The following SLC2A13 variants were observed in gnomAD, a reference collection of about 807,000 sequenced individuals.
The protein encoded by SLC2A13 is proton myo-inositol cotransporter.
In SLC2A13, 32 loss-of-function variants were observed where a neutral mutation model predicts 64.4. That is an observed-to-expected ratio of 0.50 (90% confidence interval 0.37 to 0.67). The LOEUF (loss-of-function observed/expected upper bound fraction) is 0.67, where lower values mean the gene tolerates loss of function less well. Ranked by LOEUF, SLC2A13 falls within the 30% of genes least tolerant of loss-of-function variation. SLC2A13 has a pLI of 0.00. For missense variants in SLC2A13, 743 were observed against 829.2 expected (o/e 0.90, Z 1.28); for synonymous variants, 338 against 327.1 (o/e 1.03, Z -0.36).
chr12:40,032,029 A>G (rs1417726804), intron 2 of SLC2A13, among the ~76,000 whole-genome samples: 1 of 152,092 alleles, frequency 6.6e-6, no homozygotes, highest in Admixed American at 6.5e-5. Flanking sequence ...GGGTTTCTAA[A>G]CCTGGCTTCA....
At chr12:39,896,262 G>A (rs201027445) in intron 4 of SLC2A13, among the ~76,000 whole-genome samples, 14 of 71,466 alleles carry the variant, frequency 2.0e-4, no homozygotes, top group Admixed American at 1.9e-3. Flanking sequence ...GTATGTATAT[G>A]TGTGTATATA....
intron 7 of SLC2A13, among the ~76,000 whole-genome samples, chr12:39,809,753 G>A (rs1486889744): frequency 5.3e-5 from 8 of 152,162 alleles, no homozygotes; most frequent in South Asian, 2.1e-4. Context: ...GAGAACATGC[G>A]GTGTTTGGTT....
chr12:39,864,706 C>T lies in SLC2A13; in HGVS notation c.1319+56G>A, dbSNP rs1028236068. The T allele has an allele frequency of 1.9e-6, 3 of 1,591,048 alleles. No individual in the cohort carries two copies. In the African/African-American group the frequency reaches 4.1e-5, roughly 22 times the overall value. On this transcript the variant is annotated intron_variant, in intron 6 of 9. Transcript: ENST00000280871. ...TCTACAACTTTAAAAAAGTTAAAAG[C>T]AAGCAAAAAAGTTACCAGAGTCATG...
intron 3 of SLC2A13, among the ~76,000 whole-genome samples, chr12:39,979,835 A>T (rs1245129186): frequency 8.2e-6 from 1 of 121,812 alleles, no homozygotes; most frequent in East Asian, 2.4e-4. Context: ...CCACAAAGAT[A>T]CTCCTCGAGA....
In SLC2A13 at chr12:39,895,541, T is replaced by G. The variant is rs1216233141; in HGVS notation, c.1035-23580A>C. On this transcript the variant is annotated intron_variant, in intron 4 of 9. Transcript: ENST00000280871. ...ATATATATATATATATATATATATA[T>G]ATATATATATACACACACACACACA... 2.1e-5 allele frequency among the ~76,000 whole-genome samples: 2 copies of G among 93,504 alleles called. 1 individual carries two copies. The highest frequency in any genetic ancestry group is 4.3e-5 in the Non-Finnish European group (2 of 46,314). The allele number at this position is 93,504 out of a possible 152,430, so 61.3% of individuals were successfully genotyped here. A position where few individuals can be genotyped will look rare whatever the true frequency, so the allele number is the denominator to read the frequency against.
intron 3 of SLC2A13, among the ~76,000 whole-genome samples, chr12:40,012,553 G>A (rs1947548368): frequency 1.3e-5 from 2 of 152,142 alleles, no homozygotes; most frequent in Non-Finnish European, 1.5e-5. Flanking sequence ...TTTTTCTATC[G>A]CATGGATGTG....
intron 7 of SLC2A13, among the ~76,000 whole-genome samples, chr12:39,820,395 T>TGAATCACA: frequency 6.6e-6 from 1 of 152,204 alleles, no homozygotes; most frequent in East Asian, 1.9e-4. Flanking sequence ...GTGATTGGCA[T>TGAATCACA]TGGTTCATGA....
chr12:39,824,435 C>T (rs533073567), intron 7 of SLC2A13, among the ~76,000 whole-genome samples: 9 of 152,202 alleles, frequency 5.9e-5, no homozygotes, highest in Non-Finnish European at 1.2e-4. Context: ...AAGAGGGTCT[C>T]CATCTGGAGA....
intron 3 of SLC2A13, among the ~76,000 whole-genome samples, chr12:39,955,502 C>A (rs900059647): frequency 2.0e-5 from 3 of 151,966 alleles, no homozygotes; most frequent in African/African-American, 7.2e-5. Flanking sequence ...GAGAAAAATC[C>A]ATAAAACCAA....
chr12:39,971,429 G>A (rs917158583), intron 3 of SLC2A13, among the ~76,000 whole-genome samples: 2 of 152,242 alleles, frequency 1.3e-5, no homozygotes, highest in South Asian at 2.1e-4. Flanking sequence ...CATTAGAAAA[G>A]AATTTGAAAT....
chr12:39,971,044 C>T (rs1946638580), intron 3 of SLC2A13, among the ~76,000 whole-genome samples: 1 of 152,102 alleles, frequency 6.6e-6, no homozygotes, highest in African/African-American at 2.4e-5. Context: ...TTTAGCTCTT[C>T]CCCTAGTGTT....
intron 3 of SLC2A13, among the ~76,000 whole-genome samples, chr12:39,976,104 AACAG>A (rs1946752962): frequency 6.6e-6 from 1 of 152,216 alleles, no homozygotes; most frequent in African/African-American, 2.4e-5. Context: ...TGGGGCTGAA[AACAG>A]ACAGCCCACC....
intron 4 of SLC2A13, among the ~76,000 whole-genome samples, chr12:39,912,671 C>T (rs1012738623): frequency 2.6e-5 from 4 of 152,010 alleles, no homozygotes; most frequent in African/African-American, 9.7e-5. Context: ...AGCAGCAGAA[C>T]CTGTTCAGTG....
intron 4 of SLC2A13, among the ~76,000 whole-genome samples, chr12:39,939,021 T>G (rs1945972625): frequency 6.6e-6 from 1 of 152,176 alleles, no homozygotes; most frequent in African/African-American, 2.4e-5. Context: ...GTTGAGGGAA[T>G]GGGGATTGTG....
chr12:39,830,245 G>A lies in SLC2A13; in HGVS notation c.1320-17C>T. ...TTACAGTAACTGAAAAATGAAAAGAGTTACCGTCATGTTGGCAGAGACAAC... is the reference window on the plus strand; with the variant it reads ...TTACAGTAACTGAAAAATGAAAAGAATTACCGTCATGTTGGCAGAGACAAC... On this transcript the variant is annotated splice_polypyrimidine_tract_variant and intron_variant, in intron 6 of 9. Transcript: ENST00000280871. The A allele has an allele frequency of 1.9e-6, 3 of 1,609,396 alleles. No homozygotes were observed. Among genetic ancestry groups the A allele is most frequent in the Non-Finnish European group, 2.5e-6 (3 of 1,177,116 alleles).
At chr12:39,985,464 A>T (rs867516856) in intron 3 of SLC2A13, among the ~76,000 whole-genome samples, 1 of 151,972 alleles carries the variant, frequency 6.6e-6, no homozygotes, top group African/African-American at 2.4e-5. Flanking sequence ...ATTTATTCAC[A>T]GTGTGTCTCT....
chr12:39,958,547 C>A (rs1946356711), intron 3 of SLC2A13, among the ~76,000 whole-genome samples: 1 of 152,196 alleles, frequency 6.6e-6, no homozygotes, highest in African/African-American at 2.4e-5. Context: ...ATCCATCCCG[C>A]CTCCACATTG....
chr12:39,884,996 A>C (rs554141721), intron 4 of SLC2A13, among the ~76,000 whole-genome samples: 9 of 152,370 alleles, frequency 5.9e-5, no homozygotes, highest in African/African-American at 1.9e-4. Flanking sequence ...GAAAAACCAT[A>C]GTGGCAGAGA....
intron 3 of SLC2A13, among the ~76,000 whole-genome samples, chr12:39,962,370 C>G (rs796189538): frequency 2.0e-5 from 3 of 152,204 alleles, no homozygotes; most frequent in Non-Finnish European, 4.4e-5. Context: ...GGATTACAGG[C>G]GTGAGCCACC....
Sources: allele counts gnomAD v4.1 joint callset (sites outside exome capture counted in the v4.1 genomes callset), GRCh38; gene constraint gnomAD v4.1.1; transcripts MANE v1.5; gene names NCBI Gene and HGNC (gene_info 2026-07-23, HGNC 2026-07-21).